C3orf38: variants seen among roughly 807,000 people sequenced by gnomAD.
C3orf38 encodes uncharacterized protein C3orf38.
Under a neutral mutation model 28.3 loss-of-function variants are expected in C3orf38, and 18 were observed. The ratio of observed to expected loss-of-function variants is 0.64; its 90% CI spans 0.44 to 0.94. C3orf38 has a LOEUF of 0.94. Among genes scored for constraint, C3orf38 ranks in the 40% least tolerant of loss-of-function variants. The pLI is 0.00. For synonymous variants in C3orf38, 145 were observed against 138.1 expected, an observed-to-expected ratio of 1.05 and a Z score of -0.35; for missense variants, 364 against 396.4, an observed-to-expected ratio of 0.92 and a Z score of 0.69.
Position 88,156,368 on chromosome 3 carries a change from T to A in C3orf38, c.723T>A (p.His241Gln), listed in dbSNP as rs1559746905. 1 of 1,614,216 alleles carries A rather than the reference T, an allele frequency of 6.2e-7. No individual in the cohort carries two copies. The highest frequency in any genetic ancestry group is 2.2e-5 in the East Asian group (1 of 44,880). ...TGGTTGGAGTTGCTGGGACTGTCCATCGAGGAAACACTTGTTTGGGCATTT... is the reference window on the plus strand; with the variant it reads ...TGGTTGGAGTTGCTGGGACTGTCCAACGAGGAAACACTTGTTTGGGCATTT... ...LVMVGVAGTV[H>Q]RGNTCLGIFE... The change falls in exon 3 of 3, where the codon CAT becomes CAA. Residue 241 changes from histidine to glutamine, a missense_variant. By Grantham distance (24) the His-to-Gln change is conservative. Coordinates refer to ENST00000318887, the MANE Select transcript of C3orf38 (RefSeq NM_173824.4).
chr3:88,152,492 G>A (rs920512252), intron 1 of C3orf38, among the ~76,000 whole-genome samples: 1 of 151,866 alleles, frequency 6.6e-6, no homozygotes, highest in African/African-American at 2.4e-5. Context: ...GCCGGGCTTG[G>A]TGACTCACAC....
rs777903422 is a variant in C3orf38, at chr3:88,156,485, C to T, written c.840C>T (p.Ser280=). The T allele has an allele frequency of 1.2e-6, 2 of 1,614,034 alleles. No individual in the cohort carries two copies. Among genetic ancestry groups the T allele is most frequent in the South Asian group, 1.1e-5 (1 of 91,068 alleles). ...ACCTGAAAATTATGGGAGAGAGTTCCCTTGCTCCTGGAACATTACCGAAAC... is the reference window on the plus strand; with the variant it reads ...ACCTGAAAATTATGGGAGAGAGTTCTCTTGCTCCTGGAACATTACCGAAAC... ...FINLKIMGES[S]LAPGTLPKPS... The change falls in exon 3 of 3, where the codon TCC becomes TCT. Residue 280 remains serine (S), a synonymous_variant. Coordinates refer to ENST00000318887, the MANE Select transcript of C3orf38 (RefSeq NM_173824.4).
In C3orf38 at chr3:88,153,488, G is replaced by A; in HGVS notation, c.375+17G>A. ...TTTCAACAGGTAAAATAAATCTTATGGTTGTATTCTGAACCTTTGTTCTGT... is the reference window on the plus strand; with the variant it reads ...TTTCAACAGGTAAAATAAATCTTATAGTTGTATTCTGAACCTTTGTTCTGT... On this transcript the variant is annotated intron_variant, in intron 2 of 2. Coordinates refer to ENST00000318887, the MANE Select transcript of C3orf38 (RefSeq NM_173824.4). The A allele has an allele frequency of 6.2e-7, 1 of 1,612,772 alleles. No homozygotes were observed. Among genetic ancestry groups the A allele is most frequent in the Non-Finnish European group, 8.5e-7 (1 of 1,179,484 alleles).
rs181335917 is a variant in C3orf38 at position 88,155,582 on chromosome 3, C to T, written c.376-439C>T. 4.1e-3 allele frequency among the ~76,000 whole-genome samples: 620 copies of T among 151,764 alleles called. 4 individuals carry two copies. Among genetic ancestry groups the T allele is most frequent in the African/African-American group, 0.014 (591 of 41,378 alleles). The stretch of plus-strand genomic sequence containing the variant: ...CAAGTGATTCTCCTGCCTCAGCCTC[C>T]TGAGTAGCTGGGAATACAGGTACAC... On this transcript the variant is annotated intron_variant, in intron 2 of 2. Transcript: ENST00000318887.
In C3orf38 at chr3:88,149,988, G is replaced by A; in HGVS notation, c.-65G>A. On this transcript the variant is annotated 5_prime_UTR_variant, in exon 1 of 3. Transcript: ENST00000318887. ...AAGGCACTTCCGGTGTCTGTTGCCA[G>A]GCGCGGGCCCAGTGGGCCGTAGGGG... 6.2e-7 allele frequency: 1 copy of A among 1,604,692 alleles called. No homozygotes were observed. Among genetic ancestry groups the A allele is most frequent in the Non-Finnish European group, 8.5e-7 (1 of 1,172,792 alleles).
intron 2 of C3orf38, among the ~76,000 whole-genome samples, chr3:88,155,273 G>C (rs1236604509): frequency 6.6e-6 from 1 of 151,988 alleles, no homozygotes; most frequent in Non-Finnish European, 1.5e-5. Context: ...CAATGAAAAT[G>C]CTTGCTTATA....
chr3:88,150,250 A>C lies in C3orf38; in HGVS notation c.133+65A>C, dbSNP rs988931955. 37 of 1,581,942 alleles carry C rather than the reference A, an allele frequency of 2.3e-5. 1 individual carries two copies. The highest frequency in any genetic ancestry group is 3.2e-5 in the Non-Finnish European group (37 of 1,162,752). On this transcript the variant is annotated intron_variant, in intron 1 of 2. Coordinates refer to ENST00000318887, the MANE Select transcript of C3orf38 (RefSeq NM_173824.4). ...CCCCGGCCTCACGCCTACCCCGCTT[A>C]GGCAGAATCCTCGGGAATGTTGGCC...
Position 88,156,753 on chromosome 3 carries a change from T to A in C3orf38, c.*118T>A. The A allele has an allele frequency of 2.0e-6, 2 of 1,010,712 alleles. No homozygotes were observed. Among genetic ancestry groups the A allele is most frequent in the Non-Finnish European group, 2.9e-6 (2 of 692,308 alleles). The allele number at this position is 1,010,712 out of a possible 1,614,324, so 62.6% of individuals were successfully genotyped here. A position where few individuals can be genotyped will look rare whatever the true frequency, so the allele number is the denominator to read the frequency against. On this transcript the variant is annotated 3_prime_UTR_variant, in exon 3 of 3. Coordinates refer to ENST00000318887, the MANE Select transcript of C3orf38 (RefSeq NM_173824.4). ...TATACAGAAACTCTTCCAAATACTA[T>A]ATCAGTAATGTCTGAATGATTTCAG... is the stretch of plus-strand genomic sequence containing the variant.
At chr3:88,151,277 A>G (rs1350600720) in intron 1 of C3orf38, among the ~76,000 whole-genome samples, 1 of 152,100 alleles carries the variant, frequency 6.6e-6, no homozygotes, top group Non-Finnish European at 1.5e-5. Context: ...AACCAGAAAC[A>G]GAAGTTGTCT....
chr3:88,151,734 T>C (rs1374450057), intron 1 of C3orf38, among the ~76,000 whole-genome samples: 1 of 152,208 alleles, frequency 6.6e-6, no homozygotes, highest in Non-Finnish European at 1.5e-5. Flanking sequence ...CTAATTATGA[T>C]ATAGCAGTGA....
rs1553702750 is a variant in C3orf38 at position 88,150,042 on chromosome 3, C to CT, written c.-11_-10insT. ...CATTGTTGCCGTTGTCTTTCCCCCC[C>CT]AGTCCCGGGGATGGAGATGTCGGGA... On this transcript the variant is annotated 5_prime_UTR_variant, in exon 1 of 3. Transcript: ENST00000318887. 13 of 1,614,042 alleles carry CT rather than the reference C, an allele frequency of 8.1e-6. No individual in the cohort carries two copies. The highest frequency in any genetic ancestry group is 4.2e-6 in the Non-Finnish European group (5 of 1,179,960).
intron 2 of C3orf38, among the ~76,000 whole-genome samples, chr3:88,153,979 A>C (rs568912076): frequency 1.3e-5 from 2 of 152,340 alleles, no homozygotes; most frequent in South Asian, 2.1e-4. Flanking sequence ...AGTGATGCAT[A>C]TATAATCATC....
chr3:88,153,569 G>C, intron 2 of C3orf38, 98 bp downstream of exon 2: 1 of 1,396,440 alleles, frequency 7.2e-7, no homozygotes, highest in Non-Finnish European at 9.7e-7. Context: ...AATGTTTGTG[G>C]GGTTTTTTTA....
In C3orf38 at chr3:88,157,883, T is replaced by C. The variant is rs1430154266; in HGVS notation, c.*1248T>C. The C allele has an allele frequency of 1.3e-5, 2 of 152,206 alleles. No homozygotes were observed. Among genetic ancestry groups the C allele is most frequent in the Non-Finnish European group, 2.9e-5 (2 of 68,006 alleles). The allele number at this position is 152,206 out of a possible 1,614,324, so 9.4% of individuals were successfully genotyped here. A position where few individuals can be genotyped will look rare whatever the true frequency, so the allele number is the denominator to read the frequency against. On this transcript the variant is annotated 3_prime_UTR_variant, in exon 3 of 3. Transcript: ENST00000318887. ...AAACTCATCTTTGTTTTTTTAATGC[T>C]ATGCCTCTTACGAGGAATACGAATT...
At chr3:88,155,879 A>G (rs1251073602) in intron 2 of C3orf38, 142 bp from the exon 3 acceptor site, 7 of 567,530 alleles carry the variant, frequency 1.2e-5, no homozygotes, top group Admixed American at 3.7e-5. Context: ...TTTACTATGC[A>G]TAATGGGTTC....
rs1304447404 is a variant in C3orf38, at chr3:88,153,297, C to T, written c.201C>T (p.His67=). 3 of 1,613,844 alleles carry T rather than the reference C, an allele frequency of 1.9e-6. No individual in the cohort carries two copies. In the African/African-American group the frequency reaches 4.0e-5, roughly 22 times the overall value. ...AACTTCTGAGGCGTAGAAAAGTCCA[C>T]CGAGAAGTTATATTTAAGTACTTGG... ...AEELLRRRKV[H]REVIFKYLAT... is the part of the protein sequence containing the mutation. The change falls in exon 2 of 3, where the codon CAC becomes CAT. Residue 67 remains histidine, a synonymous_variant. Transcript: ENST00000318887.
At position 88,153,265 on chromosome 3, in the gene C3orf38, G is replaced by A. The variant is rs772231106; in HGVS notation, c.169G>A (p.Ala57Thr). The change falls in exon 2 of 3, where the codon GCA becomes ACA. Residue 57 changes from alanine (A) to threonine (T), a missense_variant. Transcript: ENST00000318887. ...TGCAATATTAGCATACAGTCAAAGT[G>A]CAGAAGAACTTCTGAGGCGTAGAAA... ...VHAILAYSQS[A>T]EELLRRRKVH... is the part of the protein sequence containing the mutation. 93 of 1,613,580 alleles carry A rather than the reference G, an allele frequency of 5.8e-5. No individual in the cohort carries two copies. The highest frequency in any genetic ancestry group is 5.3e-5 in the Non-Finnish European group (62 of 1,179,902).
At chr3:88,152,286 C>T (rs1707424652) in intron 1 of C3orf38, among the ~76,000 whole-genome samples, 2 of 151,732 alleles carry the variant, frequency 1.3e-5, no homozygotes, top group Non-Finnish European at 2.9e-5. Flanking sequence ...TGTGGTGGCA[C>T]ACACCTGTAA....
chr3:88,153,239 A>G lies in C3orf38; in HGVS notation c.143A>G (p.His48Arg), dbSNP rs940059549. 1 of 1,609,072 alleles carries G rather than the reference A, an allele frequency of 6.2e-7. No individual in the cohort carries two copies. Among genetic ancestry groups the G allele is most frequent in the East Asian group, 2.2e-5 (1 of 44,848 alleles). ...TGCAATTTCTTTCTAGATGCTGTTC[A>G]TGCAATATTAGCATACAGTCAAAGT... Reference protein sequence around the residue: ...VQPQDRQDAVHAILAYSQSAE... With the variant: ...VQPQDRQDAVRAILAYSQSAE... The change falls in exon 2 of 3, where the codon CAT becomes CGT. Residue 48 changes from histidine (H) to arginine (R), a missense_variant. By Grantham distance (29) the His-to-Arg change is conservative. Coordinates refer to ENST00000318887, the MANE Select transcript of C3orf38 (RefSeq NM_173824.4).
Sources: allele counts gnomAD v4.1 joint callset (sites outside exome capture counted in the v4.1 genomes callset), GRCh38; gene constraint gnomAD v4.1.1; transcripts MANE v1.5; gene names NCBI Gene and HGNC (gene_info 2026-07-23, HGNC 2026-07-21).